PRKCA: variants seen among roughly 807,000 people sequenced by gnomAD.
PRKCA encodes protein kinase C alpha.
In PRKCA, 27 loss-of-function variants were observed where a neutral mutation model predicts 87.0. The ratio of observed to expected loss-of-function variants is 0.31; its 90% confidence interval spans 0.23 to 0.43. PRKCA has a LOEUF of 0.43. Among genes scored for constraint, PRKCA ranks in the 20% least tolerant of loss-of-function variants. PRKCA has a pLI of 1.00. For missense variants in PRKCA, 518 were observed against 852.3 expected (o/e 0.61, Z 4.88); for synonymous variants, 329 against 311.1 (o/e 1.06, Z -0.61).
At chr17:66,394,822 T>C (rs1910568344) in intron 2 of PRKCA, among the ~76,000 whole-genome samples, 1 of 152,162 alleles carries the variant, frequency 6.6e-6, no homozygotes, top group African/African-American at 2.4e-5. Context: ...TGGGCTCTTC[T>C]CCTTCCTGCT....
intron 13 of PRKCA, among the ~76,000 whole-genome samples, chr17:66,768,509 A>G (rs749693592): frequency 6.6e-6 from 1 of 152,216 alleles, no homozygotes; most frequent in Admixed American, 6.5e-5. Flanking sequence ...TCACACTGCT[A>G]TAAAGAACTA....
intron 3 of PRKCA, among the ~76,000 whole-genome samples, chr17:66,545,150 T>C (rs55739796): frequency 0.066 from 9,973 of 152,200 alleles, 410 homozygotes; most frequent in Non-Finnish European, 0.093. Flanking sequence ...TAATTTAGGC[T>C]GGGCGCAGTG....
chr17:66,569,803 C>T (rs920704947), intron 3 of PRKCA, among the ~76,000 whole-genome samples: 1 of 152,152 alleles, frequency 6.6e-6, no homozygotes, highest in Non-Finnish European at 1.5e-5. Flanking sequence ...TGAGGACATG[C>T]TCCTGGTATG....
In PRKCA at chr17:66,683,765, T is replaced by A. The variant is rs1201774762; in HGVS notation, c.530-3346T>A. On this transcript the variant is annotated intron_variant, in intron 5 of 16. Transcript: ENST00000413366. ...CAGGTGCCCACCAGCACGCCCGGCT[T>A]CTTTTTGTATTTTTAGTAGAAATGG... is the stretch of plus-strand genomic sequence containing the variant. Among the ~76,000 whole-genome samples, 5 of 152,038 alleles carry A rather than the reference T, an allele frequency of 3.3e-5. No individual in the cohort carries two copies. In the South Asian group the frequency reaches 6.2e-4, roughly 19 times the overall value.
intron 3 of PRKCA, among the ~76,000 whole-genome samples, chr17:66,545,456 T>G (rs998591100): frequency 2.0e-5 from 3 of 152,228 alleles, no homozygotes; most frequent in Non-Finnish European, 2.9e-5. Context: ...ATCTACATAC[T>G]GTATGACTTT....
chr17:66,454,716 A>G (rs1289588592), intron 2 of PRKCA, among the ~76,000 whole-genome samples: 6 of 152,198 alleles, frequency 3.9e-5, no homozygotes, highest in African/African-American at 1.2e-4. Flanking sequence ...ACAGTCCACC[A>G]TGATTCAATT....
intron 5 of PRKCA, chr17:66,676,409 A>T (rs538874388): frequency 6.6e-6 from 1 of 152,400 alleles, no homozygotes; most frequent in African/African-American, 2.4e-5. Context: ...AGCTCTGGAA[A>T]AACGCAGCTA....
chr17:66,330,773 T>G (rs541098494), intron 2 of PRKCA, among the ~76,000 whole-genome samples: 1 of 152,286 alleles, frequency 6.6e-6, no homozygotes, highest in Admixed American at 6.5e-5. Context: ...GACTTTAAAA[T>G]AGCAACAGGA....
intron 2 of PRKCA, among the ~76,000 whole-genome samples, chr17:66,445,807 T>C (rs1383732853): frequency 1.3e-5 from 2 of 151,722 alleles, no homozygotes; most frequent in Non-Finnish European, 2.9e-5. Flanking sequence ...TTTTTTTTTT[T>C]CTTCTTTTTT....
At chr17:66,468,888 G>A (rs992547191) in intron 2 of PRKCA, among the ~76,000 whole-genome samples, 3 of 152,166 alleles carry the variant, frequency 2.0e-5, no homozygotes, top group Admixed American at 2.0e-4. Context: ...TTCCCCTGAA[G>A]GTTCTGCTTT....
Position 66,633,479 on chromosome 17 carries a change from CA to C in PRKCA, c.289-7875del, listed in dbSNP as rs144396117. ...ACAAGCATGATTCATGAGAACACAT[CA>C]GATGGTGACAGCAGAGAATTTCCCT... On this transcript the variant is annotated intron_variant, in intron 3 of 16. Coordinates refer to ENST00000413366, the MANE Select transcript of PRKCA (RefSeq NM_002737.3). Among the ~76,000 whole-genome samples the C allele has an allele frequency of 1.9e-3, 283 of 152,224 alleles. 1 individual carries two copies. Among genetic ancestry groups the C allele is most frequent in the Middle Eastern group, 0.017 (5 of 292 alleles).
At chr17:66,570,943 T>G (rs536161908) in intron 3 of PRKCA, among the ~76,000 whole-genome samples, 8 of 152,298 alleles carry the variant, frequency 5.3e-5, no homozygotes, top group African/African-American at 1.9e-4. Flanking sequence ...AATCTACATA[T>G]GGAAATCACA....
At chr17:66,538,454 C>G (rs573796865) in intron 3 of PRKCA, among the ~76,000 whole-genome samples, 7 of 152,100 alleles carry the variant, frequency 4.6e-5, no homozygotes, top group Non-Finnish European at 1.0e-4. Context: ...GAGGCTGTTG[C>G]GTTTGTCACC....
At chr17:66,722,683 T>A (rs1034706521) in intron 8 of PRKCA, among the ~76,000 whole-genome samples, 1 of 152,194 alleles carries the variant, frequency 6.6e-6, no homozygotes, top group East Asian at 1.9e-4. Context: ...GAGGGAACAC[T>A]GCCTGGTCTC....
intron 8 of PRKCA, among the ~76,000 whole-genome samples, chr17:66,717,520 G>A (rs924451359): frequency 1.3e-5 from 2 of 152,204 alleles, no homozygotes; most frequent in African/African-American, 4.8e-5. Flanking sequence ...AACATGGGCA[G>A]CCTTGATGAG....
At position 66,542,852 on chromosome 17, in the gene PRKCA, A is replaced by G. The variant is rs530061131; in HGVS notation, c.288+46569A>G. 5.9e-5 allele frequency among the ~76,000 whole-genome samples: 9 copies of G among 152,294 alleles called. No individual in the cohort carries two copies. In the South Asian group the frequency reaches 1.9e-3, roughly 32 times the overall value. On this transcript the variant is annotated intron_variant, in intron 3 of 16. Transcript: ENST00000413366. ...CAAGTCATTTCATTCTAGTGTATGC[A>G]TGTGATTTTCTTGGAACGAGGGTAA... is the stretch of plus-strand genomic sequence containing the variant.
chr17:66,720,169 T>C (rs750285389), intron 8 of PRKCA, among the ~76,000 whole-genome samples: 1 of 152,132 alleles, frequency 6.6e-6, no homozygotes, highest in Non-Finnish European at 1.5e-5. Flanking sequence ...AGGGACAATG[T>C]CAGAAGGAGT....
At chr17:66,789,922 C>T (rs568028499) in intron 16 of PRKCA, among the ~76,000 whole-genome samples, 1 of 152,364 alleles carries the variant, frequency 6.6e-6, no homozygotes, top group East Asian at 1.9e-4. Context: ...GCAGAGCCTC[C>T]AAGGGCGTCC....
intron 2 of PRKCA, among the ~76,000 whole-genome samples, chr17:66,384,780 C>G (rs1262622287): frequency 6.6e-6 from 1 of 152,196 alleles, no homozygotes; most frequent in South Asian, 2.1e-4. Context: ...AGGTGCCCGT[C>G]ACCACACCTG....
Sources: gnomAD v4.1 joint callset for allele counts (sites outside exome capture counted in the v4.1 genomes callset) on GRCh38, gnomAD v4.1.1 for gene constraint, MANE v1.5 for transcripts, NCBI Gene and HGNC (gene_info 2026-07-23, HGNC 2026-07-21) for gene names.